PNPLA1: variants seen among roughly 807,000 people sequenced by gnomAD.
PNPLA1 encodes the protein omega-hydroxyceramide transacylase.
PNPLA1 carries 36 observed loss-of-function variants against 51.7 expected under a neutral mutation model. That is an observed-to-expected ratio of 0.70 (90% CI 0.53 to 0.92). The LOEUF is 0.92. Among genes scored for constraint, PNPLA1 ranks in the 40% least tolerant of loss-of-function variants. The pLI is 0.00. For synonymous variants in PNPLA1, 293 were observed against 280.1 expected, an observed-to-expected ratio of 1.05 and a Z score of -0.46; for missense variants, 658 against 682.5, an observed-to-expected ratio of 0.96 and a Z score of 0.40.
chr6:36,258,252 TC>T (rs1169294072), intron 1 of PNPLA1, among the ~76,000 whole-genome samples: 1 of 152,198 alleles, frequency 6.6e-6, no homozygotes, highest in Non-Finnish European at 1.5e-5. Flanking sequence ...ATTTATGGCT[TC>T]TTCTCCTTTC....
rs184613747 is a variant in PNPLA1, at chr6:36,256,004, C to A, written c.-81+12743C>A. Among the ~76,000 whole-genome samples the A allele has an allele frequency of 2.0e-3, 303 of 152,308 alleles. 4 individuals carry two copies. In the East Asian group the frequency reaches 0.035, roughly 18 times the overall value. On this transcript the variant is annotated intron_variant, in intron 1 of 7. Coordinates refer to the PNPLA1 transcript ENST00000312917. ...CAGTAATTTGCAAACATGAAAATTT[C>A]TAACGGTAGGTTCCTAGCAGACTTC...
chr6:36,298,388 A>G (rs1019188167), intron 5 of PNPLA1, among the ~76,000 whole-genome samples: 1 of 152,112 alleles, frequency 6.6e-6, no homozygotes, highest in Admixed American at 6.6e-5. Flanking sequence ...TGCATGGTAC[A>G]TTCATGTTTA....
chr6:36,271,852 G>T (rs1361905644), intron 1 of PNPLA1, among the ~76,000 whole-genome samples: 3 of 152,212 alleles, frequency 2.0e-5, no homozygotes, highest in African/African-American at 4.8e-5. Context: ...GGGGCAGAGG[G>T]CGTGAGCTCC....
chr6:36,251,115 A>T (rs1360805693), intron 1 of PNPLA1, among the ~76,000 whole-genome samples: 2 of 152,126 alleles, frequency 1.3e-5, no homozygotes, highest in African/African-American at 4.8e-5. Context: ...TCTGCCTCAA[A>T]TTTCCTCATC....
chr6:36,272,371 G>A (rs1031797833), intron 1 of PNPLA1, among the ~76,000 whole-genome samples: 19 of 152,146 alleles, frequency 1.2e-4, no homozygotes, highest in African/African-American at 4.1e-4. Context: ...GAGCTCAGGC[G>A]GTAATGTGAG....
intron 1 of PNPLA1, among the ~76,000 whole-genome samples, chr6:36,280,703 A>T (rs1770252608): frequency 6.6e-6 from 1 of 152,168 alleles, no homozygotes; most frequent in Non-Finnish European, 1.5e-5. Flanking sequence ...ACTGGCTTTC[A>T]GTTCCCTCTT....
intron 1 of PNPLA1, among the ~76,000 whole-genome samples, chr6:36,255,269 C>T (rs1356012103): frequency 6.6e-6 from 1 of 152,040 alleles, no homozygotes; most frequent in Non-Finnish European, 1.5e-5. Flanking sequence ...CTTTGGGAGG[C>T]CGAGGTGAGT....
At chr6:36,284,555 TCA>T (rs1770419517) in intron 1 of PNPLA1, among the ~76,000 whole-genome samples, 2 of 148,306 alleles carry the variant, frequency 1.3e-5, no homozygotes, top group Non-Finnish European at 3.0e-5. Flanking sequence ...ATCCATCCAC[TCA>T]TCCATCCATC....
chr6:36,305,768 CTTTT>C (rs72063246), intron 6 of PNPLA1, among the ~76,000 whole-genome samples: 7 of 96,556 alleles, frequency 7.2e-5, no homozygotes, highest in Non-Finnish European at 1.0e-4. Flanking sequence ...TTACTTTTCT[CTTTT>C]TTTTTTTTTT....
At position 36,294,313 on chromosome 6, in the gene PNPLA1, G is replaced by T; in HGVS notation, c.628G>T (p.Asp210Tyr). The change falls in exon 4 of 9, where the codon GAC becomes TAC. Residue 210 changes from aspartate (D) to tyrosine (Y), a missense_variant. Asp to Tyr is a radical substitution (Grantham distance 160, BLOSUM62 -3). Transcript: ENST00000636260. The surrounding 1 kb of genome is among the most constrained non-coding windows in gnomAD (Gnocchi z 4.2). ...CPRDCPAIFH[D>Y]FRMFNCSFQF... Reference sequence around the variant, plus strand: ...CCGGGACTGCCCGGCCATCTTCCACGACTTCCGCATGTTCAACTGCTCCTT... The same window carrying T: ...CCGGGACTGCCCGGCCATCTTCCACTACTTCCGCATGTTCAACTGCTCCTT... The T allele has an allele frequency of 6.2e-7, 1 of 1,614,138 alleles. No individual in the cohort carries two copies. The highest frequency in any genetic ancestry group is 8.5e-7 in the Non-Finnish European group (1 of 1,180,032).
intron 7 of PNPLA1, 21 bp from the exon 8 acceptor site, chr6:36,307,566 C>G: frequency 2.5e-6 from 4 of 1,611,584 alleles, no homozygotes; most frequent in Non-Finnish European, 3.4e-6. Flanking sequence ...AATGAACCAT[C>G]TACTTAATCT....
At chr6:36,290,032 T>C (rs1201266953) in intron 1 of PNPLA1, among the ~76,000 whole-genome samples, 1 of 152,114 alleles carries the variant, frequency 6.6e-6, no homozygotes, top group Non-Finnish European at 1.5e-5. Flanking sequence ...AATCTCAAAG[T>C]TGGAAGGAAT....
intron 1 of PNPLA1, among the ~76,000 whole-genome samples, chr6:36,286,568 TAA>T (rs113578272): frequency 1.4e-5 from 2 of 145,930 alleles, no homozygotes; most frequent in African/African-American, 2.5e-5. Context: ...ACCCTGTCTC[TAA>T]AAAAAAAAAG....
chr6:36,267,222 C>T (rs1456493676), upstream of PNPLA1, among the ~76,000 whole-genome samples: 1 of 152,190 alleles, frequency 6.6e-6, no homozygotes, highest in Admixed American at 6.5e-5. Flanking sequence ...CGATGTCATT[C>T]GCTTGAAGTT....
intron 5 of PNPLA1, among the ~76,000 whole-genome samples, chr6:36,301,425 C>T (rs1245901222): frequency 6.6e-6 from 1 of 152,140 alleles, no homozygotes; most frequent in Non-Finnish European, 1.5e-5. Flanking sequence ...AGTACCCCCG[C>T]CCCACACTGA....
rs1452346232 is a variant in PNPLA1 at position 36,313,159 on chromosome 6, G to A, written c.*1273G>A. ...GGCTGCCCTGGAGTCCTGGGTGGCT[G>A]TAGAGGAAGAAGGAGGCCAAATGTC... On this transcript the variant is annotated 3_prime_UTR_variant, in exon 9 of 9. Coordinates refer to ENST00000636260, the MANE Select transcript of PNPLA1 (RefSeq NM_001374623.1). Among the ~76,000 whole-genome samples, 2 of 152,194 alleles carry A rather than the reference G, an allele frequency of 1.3e-5. No homozygotes were observed. Among genetic ancestry groups the A allele is most frequent in the East Asian group, 3.8e-4 (2 of 5,204 alleles).
At chr6:36,274,129 G>C (rs1205427312) in intron 1 of PNPLA1, among the ~76,000 whole-genome samples, 2 of 152,126 alleles carry the variant, frequency 1.3e-5, no homozygotes, top group Non-Finnish European at 2.9e-5. Flanking sequence ...ATATTAACTT[G>C]TTCAGTCCTC....
At chr6:36,270,921 G>A (rs1769898177) in intron 1 of PNPLA1, among the ~76,000 whole-genome samples, 2 of 152,176 alleles carry the variant, frequency 1.3e-5, no homozygotes, top group Admixed American at 6.5e-5. Context: ...CCTGTGAGAT[G>A]CTCTGTCTCC....
At chr6:36,268,420 A>G (rs138332703), upstream of PNPLA1, among the ~76,000 whole-genome samples, 4 of 152,304 alleles carry the variant, frequency 2.6e-5, no homozygotes, top group East Asian at 7.7e-4. Flanking sequence ...TAAATAGCAG[A>G]GTTGGGATCC....
Sources: gnomAD v4.1 joint callset for allele counts (sites outside exome capture counted in the v4.1 genomes callset) on GRCh38, gnomAD v4.1.1 for gene constraint, Gnocchi (gnomAD v3.1) non-coding constraint, MANE v1.5 for transcripts, NCBI Gene and HGNC (gene_info 2026-07-23, HGNC 2026-07-21) for gene names.